The following SCIN variants were observed in gnomAD, a reference collection of about 807,000 sequenced individuals.
The protein encoded by SCIN is adseverin.
In SCIN, 91 loss-of-function variants were observed where a neutral mutation model predicts 91.8. The observed-to-expected ratio is 0.99, with a 90% CI of 0.84 to 1.18. The LOEUF is 1.18. SCIN is among the 50% of genes most tolerant of loss of function. The pLI, the probability that SCIN is intolerant of heterozygous loss-of-function variation, is 0.00. For synonymous variants in SCIN, 367 were observed against 312.6 expected, an observed-to-expected ratio of 1.17 and a Z score of -1.84; for missense variants, 1,087 against 863.9, an observed-to-expected ratio of 1.26 and a Z score of -3.24.
chr7:12,581,244 G>C, intron 3 of SCIN, 23 bp downstream of exon 3: 3 of 1,544,450 alleles, frequency 1.9e-6, no homozygotes, highest in Non-Finnish European at 2.6e-6. Flanking sequence ...TATACACATC[G>C]ATGTCTAAAG....
chr7:12,632,629 C>T (rs750065100), intron 9 of SCIN, among the ~76,000 whole-genome samples: 1 of 152,074 alleles, frequency 6.6e-6, no homozygotes, highest in Non-Finnish European at 1.5e-5. Context: ...ACCAGAAAAA[C>T]TGTTAATGGG....
chr7:12,598,404 C>G (rs555233870), intron 3 of SCIN, among the ~76,000 whole-genome samples: 8 of 152,116 alleles, frequency 5.3e-5, no homozygotes, highest in Admixed American at 3.3e-4. Context: ...TTGGGCCGCA[C>G]AGTTTATTAA....
intron 4 of SCIN, 101 bp downstream of exon 4, chr7:12,604,764 G>A: frequency 1.0e-6 from 1 of 997,254 alleles, no homozygotes; most frequent in Non-Finnish European, 1.4e-6. Flanking sequence ...GGGAAGAAGG[G>A]GAAAGAGATT....
chr7:12,658,923 C>A lies in SCIN; in HGVS notation c.*6208C>A, dbSNP rs11762120. Reference sequence around the variant, plus strand: ...GAGGGGTGAAAGTAGGCAATGACACCACTATTTATGTTTTTTGTTGTTGTT... The same window carrying A: ...GAGGGGTGAAAGTAGGCAATGACACAACTATTTATGTTTTTTGTTGTTGTT... On this transcript the variant is annotated 3_prime_UTR_variant, in exon 16 of 16. Coordinates refer to ENST00000297029, the MANE Select transcript of SCIN (RefSeq NM_001112706.3). 45,257 of 151,420 alleles carry A rather than the reference C, an allele frequency of 0.3. 7,511 individuals are homozygous for A. The highest frequency in any genetic ancestry group is 0.38 in the East Asian group (1,955 of 5,160). 9.4% of individuals were successfully genotyped at this position (151,420 alleles called of 1,614,324 possible).
chr7:12,573,784 A>T (rs1782315795), intron 1 of SCIN, among the ~76,000 whole-genome samples: 1 of 152,126 alleles, frequency 6.6e-6, no homozygotes, highest in South Asian at 2.1e-4. Context: ...ACTTCACACA[A>T]ATATATTTTA....
At chr7:12,607,856 T>C (rs1783110139) in intron 4 of SCIN, among the ~76,000 whole-genome samples, 1 of 152,202 alleles carries the variant, frequency 6.6e-6, no homozygotes, top group African/African-American at 2.4e-5. Context: ...TAGGCTTTCT[T>C]AGTGTTGTAA....
chr7:12,600,147 CTTAGAT>C (rs886713078), intron 3 of SCIN, among the ~76,000 whole-genome samples: 3 of 152,092 alleles, frequency 2.0e-5, no homozygotes, highest in Admixed American at 6.6e-5. Flanking sequence ...GGTTTCAGGT[CTTAGAT>C]TTAGGTCTAC....
intron 4 of SCIN, among the ~76,000 whole-genome samples, chr7:12,613,440 A>G (rs1783237651): frequency 6.6e-6 from 1 of 152,214 alleles, no homozygotes. Flanking sequence ...AAGCCCAGAT[A>G]CGAAAATGTT....
rs569088819 is a variant in SCIN, at chr7:12,616,944, G to A, written c.667-5857G>A. 1.6e-3 allele frequency among the ~76,000 whole-genome samples: 247 copies of A among 152,140 alleles called. 1 individual carries two copies. Among genetic ancestry groups the A allele is most frequent in the Non-Finnish European group, 1.2e-3 (83 of 67,984 alleles). ...GTTTTGCCTGGAGAGGGATATACAGGTCTATATTCAATTTGTAGTTTAAAT... is the reference window on the plus strand; with the variant it reads ...GTTTTGCCTGGAGAGGGATATACAGATCTATATTCAATTTGTAGTTTAAAT... On this transcript the variant is annotated intron_variant, in intron 4 of 15. Coordinates refer to ENST00000297029, the MANE Select transcript of SCIN (RefSeq NM_001112706.3).
chr7:12,632,751 C>T (rs1180666831), intron 9 of SCIN, among the ~76,000 whole-genome samples: 1 of 152,102 alleles, frequency 6.6e-6, no homozygotes, highest in South Asian at 2.1e-4. Flanking sequence ...TTGGCCCACA[C>T]TGTAAAAAAA....
At chr7:12,572,849 C>G (rs1183160380) in intron 1 of SCIN, among the ~76,000 whole-genome samples, 1 of 152,026 alleles carries the variant, frequency 6.6e-6, no homozygotes, top group Admixed American at 6.6e-5. Context: ...CAGTACTGTA[C>G]AAGGCACTTG....
chr7:12,587,767 T>C (rs114572404), intron 3 of SCIN, among the ~76,000 whole-genome samples: 1,798 of 152,298 alleles, frequency 0.012, 45 homozygotes, highest in African/African-American at 0.041. Flanking sequence ...TGGGCTCTTC[T>C]CAAAGATTGA....
chr7:12,613,180 T>C (rs1393522660), intron 4 of SCIN, among the ~76,000 whole-genome samples: 1 of 152,136 alleles, frequency 6.6e-6, no homozygotes, highest in Non-Finnish European at 1.5e-5. Flanking sequence ...AGTGTTCCAC[T>C]TGTCACAATA....
Position 12,651,826 on chromosome 7 carries a change from T to G in SCIN, c.1960-15T>G. ...TCCCAGAAATCATACATATTGTTAT[T>G]GTTTCATTTTTCAGATATTTATTTG... On this transcript the variant is annotated splice_polypyrimidine_tract_variant and intron_variant, in intron 14 of 15. Transcript: ENST00000297029. The surrounding 1 kb of genome is among the most constrained non-coding windows in gnomAD (Gnocchi z 5.9). The G allele has an allele frequency of 2.6e-6, 4 of 1,510,316 alleles. No homozygotes were observed. The highest frequency in any genetic ancestry group is 3.6e-6 in the Non-Finnish European group (4 of 1,097,466). 93.6% of individuals were successfully genotyped at this position (1,510,316 alleles called of 1,614,324 possible). A position where few individuals can be genotyped will look rare whatever the true frequency, so the allele number is the denominator to read the frequency against.
intron 4 of SCIN, among the ~76,000 whole-genome samples, chr7:12,610,799 C>T (rs1474142070): frequency 1.3e-5 from 2 of 152,120 alleles, no homozygotes; most frequent in Non-Finnish European, 1.5e-5. Context: ...CGAAAAACAA[C>T]AAACAGGTCT....
intron 11 of SCIN, among the ~76,000 whole-genome samples, chr7:12,642,579 C>G (rs1367991505): frequency 1.3e-5 from 2 of 150,210 alleles, no homozygotes; most frequent in African/African-American, 4.9e-5. Context: ...CTAAAGCCAC[C>G]TCAATCAGGT....
intron 5 of SCIN, 123 bp from the exon 6 acceptor site, chr7:12,624,887 G>A: frequency 1.1e-6 from 1 of 915,930 alleles, no homozygotes; most frequent in Middle Eastern, 2.3e-4. Flanking sequence ...CATTTAAAGT[G>A]TACAATTCAA....
At chr7:12,575,394 G>A (rs1241376088) in intron 1 of SCIN, among the ~76,000 whole-genome samples, 1 of 151,372 alleles carries the variant, frequency 6.6e-6, no homozygotes, top group African/African-American at 2.4e-5. Context: ...GTACTATGTT[G>A]AATAAGAGTG....
chr7:12,584,536 C>G (rs1390876941), intron 3 of SCIN, among the ~76,000 whole-genome samples: 1 of 152,054 alleles, frequency 6.6e-6, no homozygotes, highest in Non-Finnish European at 1.5e-5. Flanking sequence ...ACAATATAAC[C>G]TCCTCAGCCT....
Sources: allele counts gnomAD v4.1 joint callset (sites outside exome capture counted in the v4.1 genomes callset), GRCh38; gene constraint gnomAD v4.1.1; non-coding constraint Gnocchi (gnomAD v3.1); transcripts MANE v1.5; gene names NCBI Gene and HGNC (gene_info 2026-07-23, HGNC 2026-07-21).